LRPPRC: variants seen among roughly 807,000 people sequenced by gnomAD.
LRPPRC encodes the protein leucine rich pentatricopeptide repeat containing.
In LRPPRC, 120 loss-of-function variants were observed where a neutral mutation model predicts 180.3. That is an observed-to-expected ratio of 0.67 (90% CI 0.57 to 0.77). LRPPRC has a LOEUF of 0.77. LRPPRC is among the 30% of genes least tolerant of loss of function. The pLI, the probability that LRPPRC is intolerant of heterozygous loss-of-function variation, is 0.00. For synonymous variants in LRPPRC, 723 were observed against 600.0 expected, an observed-to-expected ratio of 1.21 and a Z score of -3.00; for missense variants, 2,012 against 1,657.2, an observed-to-expected ratio of 1.21 and a Z score of -3.72.
rs2105025938 is a variant in LRPPRC, at chr2:43,918,259, A to C, written c.3036T>G (p.Pro1012=). The change falls in exon 28 of 38, where the codon CCT becomes CCG. Residue 1012 remains proline, a synonymous_variant. Coordinates refer to ENST00000260665, the MANE Select transcript of LRPPRC (RefSeq NM_133259.4). ...EGNQEVPFDV[P]ELWYEDEKHS... is the part of the protein sequence containing the mutation. ...CGATTATGCCAAAAACAATTACCTCAGGTACGTCAAACGGAACTTCCTGGT... is the reference window on the plus strand; with the variant it reads ...CGATTATGCCAAAAACAATTACCTCCGGTACGTCAAACGGAACTTCCTGGT... 8 of 1,613,110 alleles carry C rather than the reference A, an allele frequency of 5.0e-6. No individual in the cohort carries two copies. The highest frequency in any genetic ancestry group is 6.8e-6 in the Non-Finnish European group (8 of 1,179,080).
At chr2:43,906,608 AG>A (rs1339943784) in intron 30 of LRPPRC, among the ~76,000 whole-genome samples, 1 of 152,246 alleles carries the variant, frequency 6.6e-6, no homozygotes, top group Non-Finnish European at 1.5e-5. Context: ...AAATCTAAAC[AG>A]GTCAAAAGGA....
chr2:43,972,925 T>C (rs1471696930), intron 11 of LRPPRC, among the ~76,000 whole-genome samples: 1 of 152,230 alleles, frequency 6.6e-6, no homozygotes, highest in Non-Finnish European at 1.5e-5. Flanking sequence ...CATCTTTTTA[T>C]GAGACTACTC....
rs761837655 is a variant in LRPPRC at position 43,934,182 on chromosome 2, A to C, written c.2736+8T>G. 7 of 1,524,820 alleles carry C rather than the reference A, an allele frequency of 4.6e-6. No homozygotes were observed. The highest frequency in any genetic ancestry group is 6.4e-6 in the Non-Finnish European group (7 of 1,099,568). The allele number at this position is 1,524,820 out of a possible 1,614,324, so 94.5% of individuals were successfully genotyped here. ...TCTACAATTAGAACACTGTAGTTAA[A>C]ATCACACCTCAATGATCTTCTTGGC... On this transcript the variant is annotated splice_region_variant and intron_variant, in intron 25 of 37. Coordinates refer to ENST00000260665, the MANE Select transcript of LRPPRC (RefSeq NM_133259.4).
chr2:43,906,456 A>T (rs1028439069), intron 30 of LRPPRC, among the ~76,000 whole-genome samples: 2 of 152,204 alleles, frequency 1.3e-5, no homozygotes, highest in Admixed American at 6.5e-5. Context: ...TACAGGATTT[A>T]AAAAAAGCAA....
chr2:43,968,297 A>G (rs1402080671), intron 11 of LRPPRC, among the ~76,000 whole-genome samples: 1 of 152,196 alleles, frequency 6.6e-6, no homozygotes, highest in Non-Finnish European at 1.5e-5. Flanking sequence ...CTTTCTAACT[A>G]CCATCCATGG....
chr2:43,892,680 A>C (rs1670534012), intron 36 of LRPPRC: 1 of 152,204 alleles, frequency 6.6e-6, no homozygotes, highest in African/African-American at 2.4e-5. Context: ...TTCAAGTCTT[A>C]ACACATTTTG....
intron 2 of LRPPRC, among the ~76,000 whole-genome samples, chr2:43,981,819 T>C (rs1032323949): frequency 2.6e-5 from 4 of 152,144 alleles, no homozygotes; most frequent in African/African-American, 9.7e-5. Context: ...TACCCTCAAG[T>C]ATTTATTTAG....
chr2:43,959,265 A>G (rs774716359), intron 13 of LRPPRC: 4 of 709,130 alleles, frequency 5.6e-6, no homozygotes, highest in Non-Finnish European at 1.0e-5. Context: ...ACACTCAGAT[A>G]GCAGCCAGCA....
At chr2:43,970,477 T>C (rs1673755469) in intron 11 of LRPPRC, among the ~76,000 whole-genome samples, 1 of 152,136 alleles carries the variant, frequency 6.6e-6, no homozygotes, top group African/African-American at 2.4e-5. Flanking sequence ...AAAAATACAA[T>C]TCACATTTCT....
chr2:43,949,666 A>G lies in LRPPRC; in HGVS notation c.1678-7T>C, dbSNP rs201370020. 65 of 1,610,520 alleles carry G rather than the reference A, an allele frequency of 4.0e-5. No homozygotes were observed. The highest frequency in any genetic ancestry group is 1.6e-4 in the Middle Eastern group (1 of 6,078). ...TGTACAACAATTCTGTTATCTGGTAAGACAGAAAATTCGTGCATTGCAGCA... is the reference window on the plus strand; with the variant it reads ...TGTACAACAATTCTGTTATCTGGTAGGACAGAAAATTCGTGCATTGCAGCA... On this transcript the variant is annotated splice_polypyrimidine_tract_variant and splice_region_variant and intron_variant, in intron 15 of 37. Transcript: ENST00000260665.
At chr2:43,909,372 TAAAAG>T (rs1671176681) in intron 30 of LRPPRC, among the ~76,000 whole-genome samples, 1 of 150,628 alleles carries the variant, frequency 6.6e-6, no homozygotes, top group South Asian at 2.1e-4. Flanking sequence ...ATAACACAGC[TAAAAG>T]AAAAGTCTCA....
intron 25 of LRPPRC, among the ~76,000 whole-genome samples, chr2:43,928,833 T>G (rs982051794): frequency 6.6e-6 from 1 of 151,964 alleles, no homozygotes; most frequent in Admixed American, 6.6e-5. Context: ...CCTTGAACAA[T>G]ACAGGGGTTA....
intron 18 of LRPPRC, 36 bp downstream of exon 18, chr2:43,948,086 A>T: frequency 1.6e-6 from 2 of 1,289,448 alleles, no homozygotes; most frequent in Non-Finnish European, 2.3e-6. Context: ...ATGTAAGTTA[A>T]GCATTTTATC....
At chr2:43,934,715 G>C (rs1210548978) in intron 24 of LRPPRC, 39 bp downstream of exon 24, 2 of 1,566,938 alleles carry the variant, frequency 1.3e-6, no homozygotes, top group African/African-American at 1.4e-5. Flanking sequence ...AGCAAGAAGG[G>C]AAAAAAAAAC....
rs750234005 is a variant in LRPPRC at position 43,901,366 on chromosome 2, A to G, written c.3523T>C (p.Ser1175Pro). 3.1e-6 allele frequency: 5 copies of G among 1,614,088 alleles called. No homozygotes were observed. The highest frequency in any genetic ancestry group is 4.2e-6 in the Non-Finnish European group (5 of 1,179,922). The change falls in exon 32 of 38, where the codon TCA (serine) becomes CCA (proline). Residue 1175 changes from serine (S) to proline (P), a missense_variant. Transcript: ENST00000260665. ...LNGLEDSIGLSKMVFINNIAL... is the reference protein window; with the variant it reads ...LNGLEDSIGLPKMVFINNIAL... ...ATGTTATTGATGAAAACCATTTTTG[A>G]AAGTCCAATGGAGTCTTCGAGTCCA...
intron 25 of LRPPRC, among the ~76,000 whole-genome samples, chr2:43,932,951 A>G (rs1392697395): frequency 6.6e-6 from 1 of 152,182 alleles, no homozygotes; most frequent in Non-Finnish European, 1.5e-5. Context: ...CGCTCTGATC[A>G]GTGACCTGCT....
intron 29 of LRPPRC, among the ~76,000 whole-genome samples, chr2:43,913,270 C>T (rs7569394): frequency 0.11 from 16,216 of 152,156 alleles, 1,547 homozygotes; most frequent in East Asian, 0.5. Flanking sequence ...GTCACTTATA[C>T]TTTTCTGAAA....
intron 29 of LRPPRC, among the ~76,000 whole-genome samples, chr2:43,914,069 C>A (rs1287115590): frequency 6.6e-6 from 1 of 152,128 alleles, no homozygotes; most frequent in African/African-American, 2.4e-5. Context: ...ATAAAATCTG[C>A]CATTCAATAC....
chr2:43,949,770 C>G, intron 15 of LRPPRC, 111 bp from the exon 16 acceptor site: 1 of 763,686 alleles, frequency 1.3e-6, no homozygotes, highest in South Asian at 1.5e-5. Context: ...AGGTACTATT[C>G]TATTTCACAG....
Sources: gnomAD v4.1 joint callset for allele counts (sites outside exome capture counted in the v4.1 genomes callset) on GRCh38, gnomAD v4.1.1 for gene constraint, MANE v1.5 for transcripts, NCBI Gene and HGNC (gene_info 2026-07-23, HGNC 2026-07-21) for gene names.